Variants in ARHGEF3 observed in about 807,000 individuals in gnomAD.
The protein encoded by ARHGEF3 is 59.8 kDA protein.
Under a neutral mutation model 63.2 loss-of-function variants are expected in ARHGEF3, and 28 were observed. The observed-to-expected ratio is 0.44, with a 90% CI of 0.33 to 0.61. The LOEUF (loss-of-function observed/expected upper bound fraction) is 0.61, where lower values mean the gene tolerates loss of function less well. Among genes scored for constraint, ARHGEF3 ranks in the 20% least tolerant of loss-of-function variants. The pLI, the probability that ARHGEF3 is intolerant of heterozygous loss-of-function variation, is 0.03. For synonymous variants in ARHGEF3, 266 were observed against 254.2 expected (o/e 1.05, Z -0.44); for missense variants, 533 against 659.3 (o/e 0.81, Z 2.10).
chr3:57,006,752 A>T (rs887293532), intron 2 of ARHGEF3, among the ~76,000 whole-genome samples: 1 of 152,038 alleles, frequency 6.6e-6, no homozygotes, highest in African/African-American at 2.4e-5. Context: ...ACCCCCCCAA[A>T]CACGGTCACA....
chr3:57,034,129 T>C (rs548864881), intron 2 of ARHGEF3, among the ~76,000 whole-genome samples: 1 of 152,028 alleles, frequency 6.6e-6, no homozygotes, highest in Admixed American at 6.5e-5. Flanking sequence ...CTAATGTACT[T>C]ATTTATTTTA....
chr3:56,974,064 C>T (rs985109845), intron 2 of ARHGEF3, among the ~76,000 whole-genome samples: 16 of 152,150 alleles, frequency 1.1e-4, no homozygotes, highest in African/African-American at 3.9e-4. Context: ...CCAGCCTGGG[C>T]GACAGATCAA....
At chr3:56,976,295 G>A (rs988528288) in intron 2 of ARHGEF3, among the ~76,000 whole-genome samples, 4 of 152,194 alleles carry the variant, frequency 2.6e-5, no homozygotes, top group East Asian at 1.9e-4. Context: ...TGCCGGCCTC[G>A]GCCTCCCAGA....
intron 3 of ARHGEF3, among the ~76,000 whole-genome samples, chr3:56,934,882 C>T (rs1368506715): frequency 6.6e-6 from 1 of 152,264 alleles, no homozygotes; most frequent in Non-Finnish European, 1.5e-5. Flanking sequence ...GCCAGCTCCA[C>T]CTGCAGCCCC....
intron 4 of ARHGEF3, among the ~76,000 whole-genome samples, chr3:56,860,077 T>C (rs1248103057): frequency 6.6e-6 from 1 of 152,052 alleles, no homozygotes; most frequent in Non-Finnish European, 1.5e-5. Context: ...GATCGATAGA[T>C]AGATAAAAAT....
intron 3 of ARHGEF3, among the ~76,000 whole-genome samples, chr3:56,918,752 G>C (rs901294870): frequency 6.6e-6 from 1 of 152,154 alleles, no homozygotes; most frequent in African/African-American, 2.4e-5. Flanking sequence ...GCTTTATAAT[G>C]GGATATCAAA....
intron 8 of ARHGEF3, among the ~76,000 whole-genome samples, chr3:56,732,869 C>T (rs1213798952): frequency 2.0e-5 from 3 of 152,262 alleles, no homozygotes; most frequent in African/African-American, 7.2e-5. Context: ...GTAATCAGGC[C>T]GGATGTGGTG....
intron 8 of ARHGEF3, among the ~76,000 whole-genome samples, chr3:56,733,254 G>T (rs2033321854): frequency 7.0e-6 from 1 of 143,874 alleles, no homozygotes; most frequent in African/African-American, 2.6e-5. Flanking sequence ...CTGCACTCCA[G>T]TCTGGGCGAC....
chr3:56,945,827 C>T (rs1336395307), intron 3 of ARHGEF3, among the ~76,000 whole-genome samples: 2 of 152,230 alleles, frequency 1.3e-5, no homozygotes, highest in African/African-American at 2.4e-5. Context: ...GACAGACTGC[C>T]TCCTCAAGTG....
At chr3:57,004,348 G>C (rs536958993) in intron 2 of ARHGEF3, among the ~76,000 whole-genome samples, 4 of 152,320 alleles carry the variant, frequency 2.6e-5, no homozygotes, top group Admixed American at 1.3e-4. Context: ...ATAAAAAGCT[G>C]GCAAGGGAGA....
At chr3:56,808,237 T>C (rs1203586356) in intron 4 of ARHGEF3, among the ~76,000 whole-genome samples, 2 of 152,064 alleles carry the variant, frequency 1.3e-5, no homozygotes, top group African/African-American at 2.4e-5. Flanking sequence ...TATCTCTCTC[T>C]CCCAGCTGAG....
chr3:57,064,858 T>C (rs776127148), intron 1 of ARHGEF3, among the ~76,000 whole-genome samples: 2 of 152,168 alleles, frequency 1.3e-5, no homozygotes, highest in African/African-American at 4.8e-5. Context: ...TGCAGATTGG[T>C]TGCACAATAA....
At chr3:56,894,663 C>A (rs370979115) in intron 3 of ARHGEF3, among the ~76,000 whole-genome samples, 1 of 151,974 alleles carries the variant, frequency 6.6e-6, no homozygotes, top group East Asian at 1.9e-4. Flanking sequence ...TAAAAAAATT[C>A]TATGGATTTG....
intron 2 of ARHGEF3, among the ~76,000 whole-genome samples, chr3:56,985,678 C>T (rs1321515491): frequency 2.6e-5 from 4 of 152,240 alleles, no homozygotes; most frequent in Non-Finnish European, 5.9e-5. Context: ...TCCCTGGGAA[C>T]AGCATAGCTG....
intron 1 of ARHGEF3, among the ~76,000 whole-genome samples, chr3:56,801,123 A>G (rs2037628150): frequency 6.6e-6 from 1 of 152,208 alleles, no homozygotes; most frequent in Admixed American, 6.5e-5. Flanking sequence ...AGACACTCCA[A>G]TTTACTCATT....
intron 3 of ARHGEF3, among the ~76,000 whole-genome samples, chr3:56,916,704 G>A (rs2042000227): frequency 6.6e-6 from 1 of 152,240 alleles, no homozygotes; most frequent in Non-Finnish European, 1.5e-5. Context: ...TGCAGCGGCT[G>A]TGCTGCCTGG....
upstream of ARHGEF3, among the ~76,000 whole-genome samples, chr3:56,804,022 C>T (rs1325352987): frequency 6.6e-6 from 1 of 151,708 alleles, no homozygotes; most frequent in East Asian, 1.9e-4. Context: ...GTAGCTGGGA[C>T]TACAGGCCTG....
intron 1 of ARHGEF3, chr3:57,075,178 T>C (rs1444920727): frequency 6.0e-6 from 1 of 167,230 alleles, no homozygotes; most frequent in Non-Finnish European, 1.5e-5. Context: ...CTTCTCTGAC[T>C]GAAGCCAGCT....
At chr3:56,988,103 A>T (rs1701612359) in intron 2 of ARHGEF3, among the ~76,000 whole-genome samples, 1 of 151,956 alleles carries the variant, frequency 6.6e-6, no homozygotes, top group Non-Finnish European at 1.5e-5. Context: ...ACCTCTTGGG[A>T]CTTTAAGAGG....
Sources: allele counts gnomAD v4.1 joint callset (sites outside exome capture counted in the v4.1 genomes callset), GRCh38; gene constraint gnomAD v4.1.1; transcripts MANE v1.5; gene names NCBI Gene and HGNC (gene_info 2026-07-23, HGNC 2026-07-21).